Variants in ZBTB38 observed in about 807,000 individuals in gnomAD.
ZBTB38 encodes the protein zinc finger and BTB domain containing 38, also known as zinc finger and BTB domain-containing protein 38.
In ZBTB38, 20 loss-of-function variants were observed where a neutral mutation model predicts 76.8. That is an observed-to-expected ratio of 0.26 (90% CI 0.18 to 0.38). The LOEUF (loss-of-function observed/expected upper bound fraction) is 0.38, where lower values mean the gene tolerates loss of function less well. Among genes scored for constraint, ZBTB38 ranks in the 10% least tolerant of loss-of-function variants. The pLI is 1.00. For synonymous variants in ZBTB38, 504 were observed against 544.2 expected, an observed-to-expected ratio of 0.93 and a Z score of 1.03; for missense variants, 1,082 against 1,482.3, an observed-to-expected ratio of 0.73 and a Z score of 4.43.
intron 1 of ZBTB38, among the ~76,000 whole-genome samples, chr3:141,344,409 C>T (rs756037753): frequency 6.6e-6 from 1 of 152,172 alleles, no homozygotes; most frequent in Non-Finnish European, 1.5e-5. Context: ...TGCTCTGTCA[C>T]CCAGATTGGA....
chr3:141,411,668 TG>T (rs1404374186), intron 5 of ZBTB38, among the ~76,000 whole-genome samples: 3 of 152,274 alleles, frequency 2.0e-5, no homozygotes, highest in Non-Finnish European at 4.4e-5. Context: ...GTTAGAGAAC[TG>T]GCTGCCCCTG....
At chr3:141,349,819 G>A (rs1475600896) in intron 1 of ZBTB38, among the ~76,000 whole-genome samples, 1 of 151,860 alleles carries the variant, frequency 6.6e-6, no homozygotes, top group Non-Finnish European at 1.5e-5. Flanking sequence ...AAACAGAAGG[G>A]AAGAAAGAAA....
intron 5 of ZBTB38, among the ~76,000 whole-genome samples, chr3:141,441,981 TAGGC>T (rs1353688251): frequency 6.6e-6 from 1 of 151,210 alleles, no homozygotes; most frequent in Non-Finnish European, 1.5e-5. Flanking sequence ...TCTTTGAAAA[TAGGC>T]AGGAAGCTTC....
At chr3:141,417,677 C>A (rs1337310987) in intron 5 of ZBTB38, among the ~76,000 whole-genome samples, 3 of 152,136 alleles carry the variant, frequency 2.0e-5, no homozygotes, top group African/African-American at 7.2e-5. Context: ...TATATTAAAT[C>A]TTTTAAATGA....
intron 1 of ZBTB38, among the ~76,000 whole-genome samples, chr3:141,339,292 C>A (rs879828710): frequency 6.6e-6 from 1 of 152,220 alleles, no homozygotes; most frequent in Non-Finnish European, 1.5e-5. Context: ...CTAGGCCTAA[C>A]ATGCCACTCC....
chr3:141,389,097 G>A (rs1948022729), intron 4 of ZBTB38: 1 of 152,180 alleles, frequency 6.6e-6, no homozygotes, highest in African/African-American at 2.4e-5. Flanking sequence ...CCAATGACAA[G>A]TGCACCCTGA....
chr3:141,375,345 C>A (rs1268971622), intron 2 of ZBTB38, among the ~76,000 whole-genome samples: 1 of 152,160 alleles, frequency 6.6e-6, no homozygotes, highest in Non-Finnish European at 1.5e-5. Context: ...GTCACCCAAC[C>A]TTTAGGTAAG....
At position 141,426,057 on chromosome 3, in the gene ZBTB38, GATGTCACA is replaced by G. The variant is rs1292865663; in HGVS notation, c.1-16328_1-16321del. Reference sequence around the variant, plus strand: ...TGTAGGTGACTTCCTCCTGTCAAATGATGTCACAATGGGGACATTGTTGCATTTGTTTG... The same window carrying G: ...TGTAGGTGACTTCCTCCTGTCAAATGATGGGGACATTGTTGCATTTGTTTG... On this transcript the variant is annotated intron_variant, in intron 5 of 5. Transcript: ENST00000321464. 6 of 1,048,878 alleles carry G rather than the reference GATGTCACA, an allele frequency of 5.7e-6. No individual in the cohort carries two copies. In the Admixed American group the frequency reaches 1.4e-4, roughly 24 times the overall value. The allele number at this position is 1,048,878 out of a possible 1,614,324, so 65.0% of individuals were successfully genotyped here. A position where few individuals can be genotyped will look rare whatever the true frequency, so the allele number is the denominator to read the frequency against.
Position 141,442,087 on chromosome 3 carries a change from A to C in ZBTB38, c.1-302A>C, listed in dbSNP as rs1453788776. On this transcript the variant is annotated intron_variant, in intron 5 of 5. Coordinates refer to ENST00000321464, the MANE Select transcript of ZBTB38 (RefSeq NM_001376113.1). This position sits in a 1 kb window ranked among gnomAD's most constrained non-coding sequence, Gnocchi z 6.4. ...CTTAACATTTCAGAAAAAAAAAAAA[A>C]ACCTCCTCCCCTCCCAAATTTGGAC... Among the ~76,000 whole-genome samples the C allele has an allele frequency of 6.6e-6, 1 of 151,664 alleles. No homozygotes were observed. The highest frequency in any genetic ancestry group is 1.5e-5 in the Non-Finnish European group (1 of 67,924).
rs746207681 is a variant in ZBTB38 at position 141,445,347 on chromosome 3, T to C, written c.2959T>C (p.Cys987Arg). The C allele has an allele frequency of 1.9e-6, 3 of 1,613,986 alleles. No individual in the cohort carries two copies. In the African/African-American group the frequency reaches 4.0e-5, roughly 22 times the overall value. ...GATGCCCAAGCTGCAGTGTGAACTC[T>C]GTGATGGAGACAAAGCAGTGGGGGC... ...KEMPKLQCELCDGDKAVGAGN... is the reference protein window; with the variant it reads ...KEMPKLQCELRDGDKAVGAGN... The change falls in exon 6 of 6, where the codon TGT becomes CGT. Residue 987 changes from cysteine (C) to arginine (R), a missense_variant. Physicochemically the swap from Cys to Arg is radical, Grantham distance 180 (BLOSUM62 -3). Around this residue, in one of 8 missense-constraint regions of ZBTB38, gnomAD observed 471 missense variants for 581.0 expected, o/e 0.81. Coordinates refer to ENST00000321464, the MANE Select transcript of ZBTB38 (RefSeq NM_001376113.1). This position sits in a 1 kb window ranked among gnomAD's most constrained non-coding sequence, Gnocchi z 6.5.
Position 141,448,132 on chromosome 3 carries a change from AT to A in ZBTB38, c.*2160del, listed in dbSNP as rs1291452365. 1 of 152,612 alleles carries A rather than the reference AT, an allele frequency of 6.6e-6. No homozygotes were observed. The highest frequency in any genetic ancestry group is 1.9e-4 in the East Asian group (1 of 5,204). The allele number at this position is 152,612 out of a possible 1,614,324, so 9.5% of individuals were successfully genotyped here. A position where few individuals can be genotyped will look rare whatever the true frequency, so the allele number is the denominator to read the frequency against. ...AAGACATTTACTGTATATTCTAGTCATTTTGATTTGAGTTAACCCCAAATAT... is the reference window on the plus strand; with the variant it reads ...AAGACATTTACTGTATATTCTAGTCATTTGATTTGAGTTAACCCCAAATAT... On this transcript the variant is annotated 3_prime_UTR_variant, in exon 6 of 6. Transcript: ENST00000321464.
chr3:141,389,949 T>G (rs1948346205), intron 4 of ZBTB38: 2 of 152,236 alleles, frequency 1.3e-5, no homozygotes, highest in Non-Finnish European at 2.9e-5. Context: ...TTTTGTGGCA[T>G]TATTCACTTA....
chr3:141,334,676 T>C (rs1226569900), intron 1 of ZBTB38, among the ~76,000 whole-genome samples: 1 of 152,086 alleles, frequency 6.6e-6, no homozygotes, highest in Non-Finnish European at 1.5e-5. Flanking sequence ...TGGTCTGCAG[T>C]GCCTCTCCCT....
rs754872291 is a variant in ZBTB38, at chr3:141,371,045, C to CTTTTTTTTTTTTTTTTTTTTTTTTTT, written c.-235+1100_-235+1125dup. ...GTTTTTTCTTTTCTTTTCTTTCTTT[C>CTTTTTTTTTTTTTTTTTTTTTTTTTT]TTTTTTTTTTTTTTTTTTTTTTTTT... is the stretch of plus-strand genomic sequence containing the variant. On this transcript the variant is annotated intron_variant, in intron 2 of 5. Coordinates refer to ENST00000321464, the MANE Select transcript of ZBTB38 (RefSeq NM_001376113.1). Among the ~76,000 whole-genome samples, 67 of 72,008 alleles carry CTTTTTTTTTTTTTTTTTTTTTTTTTT rather than the reference C, an allele frequency of 9.3e-4. 5 individuals carry two copies. Among genetic ancestry groups the CTTTTTTTTTTTTTTTTTTTTTTTTTT allele is most frequent in the African/African-American group, 1.5e-3 (19 of 12,856 alleles). 47.2% of individuals were successfully genotyped at this position (72,008 alleles called of 152,430 possible).
chr3:141,347,648 G>T (rs971299412), intron 1 of ZBTB38, among the ~76,000 whole-genome samples: 1 of 152,196 alleles, frequency 6.6e-6, no homozygotes, highest in Non-Finnish European at 1.5e-5. Flanking sequence ...AGAAACACTG[G>T]AAGGCAGGAG....
At chr3:141,392,358 C>T (rs980383443) in intron 4 of ZBTB38, among the ~76,000 whole-genome samples, 1 of 152,208 alleles carries the variant, frequency 6.6e-6, no homozygotes, top group African/African-American at 2.4e-5. Flanking sequence ...GTGCCAAACA[C>T]TGCTATAAGC....
intron 2 of ZBTB38, among the ~76,000 whole-genome samples, chr3:141,370,870 A>G (rs958011683): frequency 2.6e-5 from 4 of 152,108 alleles, no homozygotes; most frequent in African/African-American, 7.2e-5. Context: ...CCAGTGGTCT[A>G]TAGGAAAGCT....
chr3:141,417,963 G>A (rs1050050488), intron 5 of ZBTB38, among the ~76,000 whole-genome samples: 6 of 152,092 alleles, frequency 3.9e-5, no homozygotes, highest in East Asian at 1.9e-4. Flanking sequence ...GCAGTGAGCC[G>A]AGATCGCGCC....
intron 5 of ZBTB38, among the ~76,000 whole-genome samples, chr3:141,412,268 C>A (rs1956922773): frequency 1.3e-5 from 2 of 152,144 alleles, no homozygotes; most frequent in African/African-American, 2.4e-5. Flanking sequence ...TAGACGATTA[C>A]CCTTGTGAAA....
Sources: allele counts gnomAD v4.1 joint callset (sites outside exome capture counted in the v4.1 genomes callset), GRCh38; gene constraint gnomAD v4.1.1; regional missense constraint gnomAD v4.1.1; non-coding constraint Gnocchi (gnomAD v3.1); transcripts MANE v1.5; gene names NCBI Gene and HGNC (gene_info 2026-07-23, HGNC 2026-07-21).